The following ZNF267 variants were observed in gnomAD, a reference collection of about 807,000 sequenced individuals.
The protein encoded by ZNF267 is zinc finger protein 267.
ZNF267 carries 61 observed loss-of-function variants against 71.6 expected under a neutral mutation model. The observed-to-expected ratio is 0.85, with a 90% confidence interval of 0.69 to 1.05. ZNF267 has a LOEUF of 1.05. Among genes scored for constraint, ZNF267 ranks in the 50% least tolerant of loss-of-function variants. The probability of loss-of-function intolerance (pLI) is 0.00; values close to 1 mark genes in which losing one functional copy is unlikely to be tolerated. For synonymous variants in ZNF267, 288 were observed against 293.2 expected, an observed-to-expected ratio of 0.98 and a Z score of 0.18; for missense variants, 852 against 870.0, an observed-to-expected ratio of 0.98 and a Z score of 0.26.
At chr16:31,877,804 A>G (rs1298121740) in intron 1 of ZNF267, among the ~76,000 whole-genome samples, 1 of 149,824 alleles carries the variant, frequency 6.7e-6, no homozygotes, top group Non-Finnish European at 1.5e-5. Flanking sequence ...TACTGTTCCT[A>G]TTTTTTCCCA....
At chr16:31,904,813 T>A (rs1270321436) in intron 3 of ZNF267, among the ~76,000 whole-genome samples, 1 of 152,234 alleles carries the variant, frequency 6.6e-6, no homozygotes, top group Non-Finnish European at 1.5e-5. Context: ...TATGTGTGAA[T>A]TTGATCCTGT....
At chr16:31,897,436 G>A (rs1484769516) in intron 3 of ZNF267, among the ~76,000 whole-genome samples, 1 of 151,950 alleles carries the variant, frequency 6.6e-6, no homozygotes, top group Non-Finnish European at 1.5e-5. Context: ...GAGGATTTAT[G>A]GGCTCTCTAA....
chr16:31,914,907 A>C lies in ZNF267; in HGVS notation c.658A>C (p.Asn220His), dbSNP rs1175177032. Residue 220 changes from asparagine (N) to histidine (H), a missense_variant, in exon 4 of 4, where the codon AAT (asparagine) becomes CAT (histidine). Coordinates refer to ENST00000300870, the MANE Select transcript of ZNF267 (RefSeq NM_003414.6). ...FIGEKNYHCN[N>H]SEKTLNQSSS... is the part of the protein sequence containing the mutation. ...TGGAGAGAAAAATTATCATTGCAAT[A>C]ATTCTGAAAAAACCTTGAACCAAAG... 1.9e-6 allele frequency: 3 copies of C among 1,612,506 alleles called. No homozygotes were observed. Among genetic ancestry groups the C allele is most frequent in the Non-Finnish European group, 2.5e-6 (3 of 1,179,600 alleles).
intron 3 of ZNF267, among the ~76,000 whole-genome samples, chr16:31,911,266 G>C (rs2084133087): frequency 6.6e-6 from 1 of 151,682 alleles, no homozygotes; most frequent in Non-Finnish European, 1.5e-5. Flanking sequence ...GTACAATGCT[G>C]AAAGTGGTGT....
At chr16:31,877,698 A>G (rs889156247) in intron 1 of ZNF267, among the ~76,000 whole-genome samples, 2 of 152,212 alleles carry the variant, frequency 1.3e-5, no homozygotes, top group African/African-American at 4.8e-5. Context: ...ATCAGGGAGC[A>G]TCATCGAAGT....
chr16:31,874,242 C>T (rs2083835962), intron 1 of ZNF267: 2 of 442,154 alleles, frequency 4.5e-6, no homozygotes, highest in Non-Finnish European at 8.1e-6. Flanking sequence ...CGTCGCAGCC[C>T]CGCGTCTCCC....
intron 3 of ZNF267, among the ~76,000 whole-genome samples, chr16:31,885,863 G>T (rs1021323834): frequency 3.3e-5 from 5 of 152,132 alleles, no homozygotes; most frequent in African/African-American, 1.2e-4. Context: ...CCTGAACTAA[G>T]ATGAGAAATT....
At chr16:31,906,738 T>C (rs1450224567) in intron 3 of ZNF267, among the ~76,000 whole-genome samples, 1 of 152,056 alleles carries the variant, frequency 6.6e-6, no homozygotes, top group Non-Finnish European at 1.5e-5. Flanking sequence ...GGTGAGGCAG[T>C]GCCTCACCCT....
In ZNF267 at chr16:31,915,092, AC is replaced by A. The variant is rs763760184; in HGVS notation, c.844del (p.His282IlefsTer33). 6.2e-7 allele frequency: 1 copy of A among 1,613,672 alleles called. No homozygotes were observed. The highest frequency in any genetic ancestry group is 1.1e-5 in the South Asian group (1 of 90,930). On this transcript the variant is annotated frameshift_variant, in exon 4 of 4. Coordinates refer to ENST00000300870, the MANE Select transcript of ZNF267 (RefSeq NM_003414.6). LOFTEE classifies it high-confidence loss of function. ...CVEVCTQSLK[H>X]IQHQTIHIRE... Reference sequence around the variant, plus strand: ...TAGAAGTTTGTACCCAGTCATTAAAACATATTCAACATCAGACCATCCATAT... The same window carrying A: ...TAGAAGTTTGTACCCAGTCATTAAAAATATTCAACATCAGACCATCCATAT...
At chr16:31,910,193 T>C (rs1357760613) in intron 3 of ZNF267, among the ~76,000 whole-genome samples, 2 of 151,976 alleles carry the variant, frequency 1.3e-5, no homozygotes, top group Admixed American at 6.5e-5. Flanking sequence ...ATATTTATTA[T>C]AGATATTGGC....
intron 3 of ZNF267, among the ~76,000 whole-genome samples, chr16:31,895,539 T>C (rs1461406835): frequency 6.6e-6 from 1 of 152,210 alleles, no homozygotes; most frequent in Non-Finnish European, 1.5e-5. Flanking sequence ...TTTTGAGGAA[T>C]CTTCATACCA....
At chr16:31,874,220 T>G in intron 1 of ZNF267, 1 of 473,742 alleles carries the variant, frequency 2.1e-6, no homozygotes, top group African/African-American at 2.1e-5. Context: ...GAGCCCTCTC[T>G]GGGCAGCTCC....
chr16:31,886,615 GA>G, intron 3 of ZNF267, among the ~76,000 whole-genome samples: 1 of 152,314 alleles, frequency 6.6e-6, no homozygotes, highest in East Asian at 1.9e-4. Context: ...CCCTGCTGCT[GA>G]AAAGGTTGGG....
chr16:31,878,758 A>T (rs1355083103), intron 1 of ZNF267, among the ~76,000 whole-genome samples: 1 of 152,026 alleles, frequency 6.6e-6, no homozygotes, highest in African/African-American at 2.4e-5. Context: ...ACTTCCCCAC[A>T]AGCCCCTTCT....
chr16:31,912,932 T>C (rs995267668), intron 3 of ZNF267: 5 of 152,196 alleles, frequency 3.3e-5, no homozygotes, highest in Admixed American at 3.3e-4. Context: ...TTGAATTTGT[T>C]TCCTCAACAC....
chr16:31,874,083 C>G (rs944208142), intron 1 of ZNF267, 114 bp downstream of exon 1: 42 of 1,238,040 alleles, frequency 3.4e-5, no homozygotes, highest in Middle Eastern at 2.1e-4. Flanking sequence ...GGGTCTGGGC[C>G]CCGAGTCCCA....
chr16:31,875,596 C>T (rs1168625193), intron 1 of ZNF267, among the ~76,000 whole-genome samples: 1 of 152,166 alleles, frequency 6.6e-6, no homozygotes, highest in Non-Finnish European at 1.5e-5. Flanking sequence ...GGTGCAAACT[C>T]GGCTGCGGTG....
intron 3 of ZNF267, among the ~76,000 whole-genome samples, chr16:31,902,283 A>T (rs1302396985): frequency 6.6e-6 from 1 of 151,950 alleles, no homozygotes; most frequent in Non-Finnish European, 1.5e-5. Flanking sequence ...GCAGGCTCTT[A>T]TTTGGTTCCA....
chr16:31,878,954 T>TTTA (rs569556047), intron 1 of ZNF267, among the ~76,000 whole-genome samples: 1 of 151,950 alleles, frequency 6.6e-6, no homozygotes, highest in Non-Finnish European at 1.5e-5. Context: ...TTTTTTTTTT[T>TTTA]CTTAAAGCAT....
Sources: gnomAD v4.1 joint callset for allele counts (sites outside exome capture counted in the v4.1 genomes callset) on GRCh38, gnomAD v4.1.1 for gene constraint, MANE v1.5 for transcripts, NCBI Gene and HGNC (gene_info 2026-07-23, HGNC 2026-07-21) for gene names.